Variants in UBAP2 observed in about 807,000 individuals in gnomAD.
The protein encoded by UBAP2 is ubiquitin-associated protein 2.
Under a neutral mutation model 139.6 loss-of-function variants are expected in UBAP2, and 75 were observed. The observed-to-expected ratio is 0.54, with a 90% CI of 0.45 to 0.65. The LOEUF is 0.65. Ranked by LOEUF, UBAP2 falls within the 30% of genes least tolerant of loss-of-function variation. The pLI, the probability that UBAP2 is intolerant of heterozygous loss-of-function variation, is 0.00. For synonymous variants in UBAP2, 526 were observed against 526.2 expected, an observed-to-expected ratio of 1.00 and a Z score of 0.01; for missense variants, 1,368 against 1,369.6, an observed-to-expected ratio of 1.00 and a Z score of 0.02.
chr9:34,016,370 C>CGGCGGCGGCGGCGGCGGTGGT (rs1321174650), intron 2 of UBAP2, among the ~76,000 whole-genome samples: 22 of 93,732 alleles, frequency 2.3e-4, no homozygotes, highest in African/African-American at 9.7e-4. Context: ...GCGGCAGCGG[C>CGGCGGCGGCGGCGGCGGTGGT]GGTGGTGGTG....
At chr9:33,973,362 C>A in intron 6 of UBAP2, 125 bp from the exon 7 acceptor site, 1 of 1,014,872 alleles carries the variant, frequency 9.9e-7, no homozygotes, top group Non-Finnish European at 1.5e-6. Flanking sequence ...ACCAACATTC[C>A]AATCCAGGGC....
intron 23 of UBAP2, 92 bp from the exon 24 acceptor site, chr9:33,924,092 A>C: frequency 1.9e-6 from 3 of 1,584,846 alleles, no homozygotes; most frequent in South Asian, 2.2e-5. Flanking sequence ...TCTGGCTGCC[A>C]GCTCAGCACA....
Position 33,996,343 on chromosome 9 carries a change from A to C in UBAP2, c.178-10T>G. The C allele has an allele frequency of 1.9e-6, 3 of 1,599,276 alleles. No individual in the cohort carries two copies. The highest frequency in any genetic ancestry group is 2.6e-6 in the Non-Finnish European group (3 of 1,168,366). On this transcript the variant is annotated splice_polypyrimidine_tract_variant and intron_variant, in intron 3 of 28. Transcript: ENST00000379238. ...CTGTCACTTCCATAAGCTAGTGAAC[A>C]TATCAGAAAATGGTTAGAGGCAAAC...
In UBAP2 at chr9:34,018,680, G is replaced by A. The variant is rs371590234; in HGVS notation, c.-41-1491C>T. On this transcript the variant is annotated intron_variant, in intron 1 of 28. Coordinates refer to ENST00000379238, the MANE Select transcript of UBAP2 (RefSeq NM_001370062.2). ...AGATCGAGACCATCCTGGCTAACAC[G>A]GTGAAACCCCGTCTCTACTAAAAAT... Among the ~76,000 whole-genome samples the A allele has an allele frequency of 5.9e-5, 9 of 152,186 alleles. No individual in the cohort carries two copies. The South Asian group carries it at 1.0e-3, about 18-fold the overall frequency.
chr9:33,989,423 G>C (rs573687827), intron 4 of UBAP2, among the ~76,000 whole-genome samples: 39 of 152,136 alleles, frequency 2.6e-4, no homozygotes, highest in Middle Eastern at 3.4e-3. Flanking sequence ...TGATGGTCTC[G>C]ATCTCCTGAC....
intron 3 of UBAP2, chr9:33,997,048 G>A (rs2131184227): frequency 6.6e-6 from 1 of 152,204 alleles, no homozygotes; most frequent in East Asian, 1.9e-4. Context: ...TCAAAAAAAA[G>A]AAGAAAAAAC....
chr9:33,989,815 A>G (rs968779976), intron 4 of UBAP2, among the ~76,000 whole-genome samples: 1 of 152,190 alleles, frequency 6.6e-6, no homozygotes, highest in Non-Finnish European at 1.5e-5. Flanking sequence ...AAAATTACTT[A>G]GAATGATGCC....
In UBAP2 at chr9:33,933,574, C is replaced by T. The variant is rs1564018467; in HGVS notation, c.2024G>A (p.Ser675Asn). Residue 675 changes from serine to asparagine, a missense_variant, in exon 18 of 29, where the codon AGC becomes AAC. Ser to Asn is a conservative substitution (Grantham distance 46). Coordinates refer to ENST00000379238, the MANE Select transcript of UBAP2 (RefSeq NM_001370062.2). ...SALPSVSSLP[S>N]TTSCTALLPS... ...CAGAAGTGCAGTGCAGGAGGTGGTG[C>T]TGGGCAGGGAGCTCACAGACGGGAG... 1.2e-6 allele frequency: 2 copies of T among 1,613,984 alleles called. No individual in the cohort carries two copies. Among genetic ancestry groups the T allele is most frequent in the Non-Finnish European group, 1.7e-6 (2 of 1,179,994 alleles).
At chr9:33,926,595 G>T in intron 22 of UBAP2, 22 bp downstream of exon 22, 2 of 1,613,944 alleles carry the variant, frequency 1.2e-6, no homozygotes, top group Non-Finnish European at 1.7e-6. Flanking sequence ...CCTCTGCTCC[G>T]ACCAGTCCAT....
chr9:33,926,464 G>A (rs1331031481), intron 22 of UBAP2, among the ~76,000 whole-genome samples, 153 bp downstream of exon 22: 2 of 152,126 alleles, frequency 1.3e-5, no homozygotes, highest in African/African-American at 4.8e-5. Context: ...TGGCACAACC[G>A]CCAGATGAAA....
intron 1 of UBAP2, among the ~76,000 whole-genome samples, chr9:34,045,830 T>C (rs1163071113): frequency 6.6e-6 from 1 of 152,200 alleles, no homozygotes; most frequent in Non-Finnish European, 1.5e-5. Context: ...TATTCCTAAA[T>C]ACTTGATAGT....
chr9:33,958,064 C>G (rs2130995958), intron 10 of UBAP2, among the ~76,000 whole-genome samples: 1 of 152,222 alleles, frequency 6.6e-6, no homozygotes, highest in East Asian at 1.9e-4. Context: ...CAGGCTCAAG[C>G]ATTCCTCCCA....
chr9:33,988,375 A>T (rs1009406116), intron 5 of UBAP2, among the ~76,000 whole-genome samples: 13 of 152,176 alleles, frequency 8.5e-5, no homozygotes, highest in African/African-American at 3.1e-4. Flanking sequence ...TAACTTAGCT[A>T]CACTGACACA....
intron 3 of UBAP2, chr9:33,997,147 AT>A (rs1374501212): frequency 6.6e-6 from 1 of 152,090 alleles, no homozygotes; most frequent in African/African-American, 2.4e-5. Flanking sequence ...TCCTAGACAT[AT>A]TTTCTCAAGG....
chr9:34,043,355 C>A (rs1025628424), intron 1 of UBAP2, among the ~76,000 whole-genome samples: 9 of 151,966 alleles, frequency 5.9e-5, no homozygotes, highest in African/African-American at 2.2e-4. Context: ...TTAGTAAAGA[C>A]AGGGTTTTGC....
chr9:33,941,828 C>T lies in UBAP2; in HGVS notation c.1750G>A (p.Ala584Thr). The change falls in exon 16 of 29, where the codon GCA becomes ACA. Residue 584 changes from alanine to threonine, a missense_variant. Transcript: ENST00000379238. ...PLNTSLSMTS[A>T]VQNSTYTTSV... ...GTTGTATATGTGGAGTTCTGTACTG[C>T]ACTGGTCATTGATAAAGATGTATTC... 1.2e-6 allele frequency: 2 copies of T among 1,613,692 alleles called. No homozygotes were observed. Among genetic ancestry groups the T allele is most frequent in the Non-Finnish European group, 8.5e-7 (1 of 1,179,936 alleles).
intron 1 of UBAP2, among the ~76,000 whole-genome samples, chr9:34,038,168 A>C (rs1826626076): frequency 8.8e-6 from 1 of 113,346 alleles, no homozygotes; most frequent in South Asian, 2.9e-4. Context: ...AAAAAAAAAA[A>C]GGTCGGGCGC....
chr9:33,948,794 T>A, intron 12 of UBAP2: 1 of 485,646 alleles, frequency 2.1e-6, no homozygotes, highest in Middle Eastern at 5.5e-4. Context: ...TTCCTCATTC[T>A]GACATAAGAA....
chr9:34,003,696 C>T (rs1822928298), intron 2 of UBAP2, among the ~76,000 whole-genome samples: 1 of 151,770 alleles, frequency 6.6e-6, no homozygotes, highest in South Asian at 2.1e-4. Flanking sequence ...CGTGAGCCAC[C>T]ACACACGGCC....
Sources: allele counts gnomAD v4.1 joint callset (sites outside exome capture counted in the v4.1 genomes callset), GRCh38; gene constraint gnomAD v4.1.1; transcripts MANE v1.5; gene names NCBI Gene and HGNC (gene_info 2026-07-23, HGNC 2026-07-21).